VCF1: variants seen among roughly 807,000 people sequenced by gnomAD.
The protein encoded by VCF1 is VCP nuclear cofactor family member 1.
At chr17:73,226,954 A>G in the VCF1 span, among the ~76,000 whole-genome samples, 1 of 152,236 alleles carries the variant, frequency 6.6e-6, no homozygotes, top group Non-Finnish European at 1.5e-5. Context: ...GTGTGTACAT[A>G]TATGACTATG....
At chr17:73,232,250 C>G in the VCF1 span, 1 of 1,611,536 alleles carries the variant, frequency 6.2e-7, no homozygotes, top group Non-Finnish European at 8.5e-7. Context: ...GTGGCGAGTA[C>G]CCCTCAGTCG....
chr17:73,208,868 G>A, the VCF1 span: 3 of 302,582 alleles, frequency 9.9e-6, no homozygotes, highest in Non-Finnish European at 1.9e-5. Context: ...GAAGTTATCT[G>A]GGTATACAAG....
At chr17:73,213,799 G>A in the VCF1 span, among the ~76,000 whole-genome samples, 1 of 152,022 alleles carries the variant, frequency 6.6e-6, no homozygotes, top group Non-Finnish European at 1.5e-5. Flanking sequence ...GCGAAACCGC[G>A]TCTCTACTAA....
At chr17:73,224,145 G>A in the VCF1 span, among the ~76,000 whole-genome samples, 1 of 149,676 alleles carries the variant, frequency 6.7e-6, no homozygotes, top group Non-Finnish European at 1.5e-5. Context: ...GGGAATTCTA[G>A]CCAGGCATGG....
the VCF1 span, among the ~76,000 whole-genome samples, chr17:73,225,502 G>A: frequency 6.6e-6 from 1 of 151,438 alleles, no homozygotes; most frequent in African/African-American, 2.4e-5. Context: ...AATTTCTATT[G>A]CTGTTCTCAG....
chr17:73,226,402 A>C, the VCF1 span, among the ~76,000 whole-genome samples: 1 of 152,240 alleles, frequency 6.6e-6, no homozygotes, highest in East Asian at 1.9e-4. Context: ...GAACTAATTA[A>C]AGTACAAATT....
the VCF1 span, chr17:73,212,603 T>G: frequency 8.0e-7 from 1 of 1,251,536 alleles, no homozygotes; most frequent in Non-Finnish European, 1.1e-6. Context: ...AGTATAACAA[T>G]GTAGAATGGC....
the VCF1 span, among the ~76,000 whole-genome samples, chr17:73,222,864 T>C: frequency 6.6e-6 from 1 of 152,014 alleles, no homozygotes; most frequent in African/African-American, 2.4e-5. Flanking sequence ...ACCTCTGTTC[T>C]ATCTTCTGGG....
the VCF1 span, among the ~76,000 whole-genome samples, chr17:73,222,880 AC>A: frequency 2.0e-3 from 307 of 152,228 alleles, 1 homozygote; most frequent in Non-Finnish European, 3.4e-3. Context: ...CTGGGAGAGC[AC>A]ACACCATGGT....
At chr17:73,218,390 C>G in the VCF1 span, among the ~76,000 whole-genome samples, 4 of 152,240 alleles carry the variant, frequency 2.6e-5, no homozygotes, top group Non-Finnish European at 5.9e-5. Context: ...AACATCCTTT[C>G]TATACCTTTG....
At chr17:73,222,035 CAAAAAA>C in the VCF1 span, among the ~76,000 whole-genome samples, 1 of 80,914 alleles carries the variant, frequency 1.2e-5, no homozygotes, top group Non-Finnish European at 2.1e-5. Flanking sequence ...GACTCTGTCT[CAAAAAA>C]AAAAAAAAAA....
At chr17:73,217,760 T>G in the VCF1 span, among the ~76,000 whole-genome samples, 1 of 151,574 alleles carries the variant, frequency 6.6e-6, no homozygotes, top group Non-Finnish European at 1.5e-5. Flanking sequence ...TTGCCTGAGC[T>G]CAGGAGTTTG....
chr17:73,221,635 T>A, the VCF1 span, among the ~76,000 whole-genome samples: 1 of 152,124 alleles, frequency 6.6e-6, no homozygotes, highest in Non-Finnish European at 1.5e-5. Context: ...ACACCTGTAA[T>A]CCTAATACTT....
At chr17:73,231,944 CCCT>C in the VCF1 span, 1 of 901,634 alleles carries the variant, frequency 1.1e-6, no homozygotes, top group Non-Finnish European at 1.6e-6. Context: ...CATCCCTCTC[CCCT>C]CCTCCCCCGG....
At chr17:73,223,353 A>G in the VCF1 span, among the ~76,000 whole-genome samples, 1 of 152,194 alleles carries the variant, frequency 6.6e-6, no homozygotes, top group Non-Finnish European at 1.5e-5. Flanking sequence ...AAAATGGGGG[A>G]AAGAAGCCAT....
chr17:73,213,247 A>C, the VCF1 span, among the ~76,000 whole-genome samples: 2 of 150,828 alleles, frequency 1.3e-5, no homozygotes, highest in Non-Finnish European at 3.0e-5. Context: ...TCTCAAAAGA[A>C]AAAAAAAAAA....
the VCF1 span, chr17:73,229,164 G>A: frequency 2.0e-6 from 2 of 985,404 alleles, no homozygotes; most frequent in Non-Finnish European, 2.4e-6. Context: ...ATCTCTCAAG[G>A]CACCAGAATA....
At chr17:73,210,645 C>T in the VCF1 span, among the ~76,000 whole-genome samples, 3 of 151,980 alleles carry the variant, frequency 2.0e-5, no homozygotes, top group East Asian at 1.9e-4. Context: ...TACGCAGGCT[C>T]GAGTGCAGTG....
chr17:73,218,790 C>G, the VCF1 span, among the ~76,000 whole-genome samples: 1 of 151,934 alleles, frequency 6.6e-6, no homozygotes, highest in Non-Finnish European at 1.5e-5. Context: ...GAGGCCGAGG[C>G]GGGCGGATCA....
Sources: allele counts gnomAD v4.1 joint callset (sites outside exome capture counted in the v4.1 genomes callset), GRCh38; gene constraint gnomAD v4.1.1; transcripts MANE v1.5; gene names NCBI Gene and HGNC (gene_info 2026-07-23, HGNC 2026-07-21).